The following TNRC6C variants were observed in gnomAD, a reference collection of about 807,000 sequenced individuals.
The protein encoded by TNRC6C is trinucleotide repeat-containing gene 6C protein.
In TNRC6C, 20 loss-of-function variants were observed where a neutral mutation model predicts 153.7. That is an observed-to-expected ratio of 0.13 (90% CI 0.09 to 0.19). TNRC6C has a LOEUF of 0.19. Ranked by LOEUF, TNRC6C falls within the 10% of genes least tolerant of loss-of-function variation. The pLI, the probability that TNRC6C is intolerant of heterozygous loss-of-function variation, is 1.00. For synonymous variants in TNRC6C, 811 were observed against 841.4 expected (o/e 0.96, Z 0.63); for missense variants, 1,987 against 2,172.0 (o/e 0.91, Z 1.69).
chr17:78,047,757 A>G (rs1290128065), intron 2 of TNRC6C, among the ~76,000 whole-genome samples: 1 of 152,230 alleles, frequency 6.6e-6, no homozygotes, highest in Non-Finnish European at 1.5e-5. Context: ...AAGGATTTCT[A>G]AATCACATAT....
At chr17:78,061,898 T>C (rs1389351036) in intron 3 of TNRC6C, among the ~76,000 whole-genome samples, 2 of 152,204 alleles carry the variant, frequency 1.3e-5, no homozygotes, top group East Asian at 1.9e-4. Flanking sequence ...TTAGTATTTA[T>C]CCTTAGTTTT....
chr17:77,968,622 C>G (rs1165179278), intron 1 of TNRC6C, among the ~76,000 whole-genome samples: 1 of 152,188 alleles, frequency 6.6e-6, no homozygotes, highest in Non-Finnish European at 1.5e-5. Flanking sequence ...GGATTACAGG[C>G]GTGAGCCACC....
At position 78,049,089 on chromosome 17, in the gene TNRC6C, C is replaced by T; in HGVS notation, c.27C>T (p.Asn9=). 1 of 1,555,116 alleles carries T rather than the reference C, an allele frequency of 6.4e-7. No homozygotes were observed. Among genetic ancestry groups the T allele is most frequent in the Non-Finnish European group, 8.7e-7 (1 of 1,148,880 alleles). Residue 9 remains asparagine (N), a synonymous_variant, in exon 3 of 20, where the codon AAC becomes AAT. Coordinates refer to ENST00000301624, the Ensembl canonical transcript of TNRC6C. This position sits in a 1 kb window ranked among gnomAD's most constrained non-coding sequence, Gnocchi z 4.1. ...TGGCTACAGGGAGTGCCCAGGGCAACTTCACTGGACATACCAAGAAGACAA... is the reference window on the plus strand; with the variant it reads ...TGGCTACAGGGAGTGCCCAGGGCAATTTCACTGGACATACCAAGAAGACAA...
At chr17:78,081,373 G>A (rs779048649) in intron 10 of TNRC6C, among the ~76,000 whole-genome samples, 6 of 151,986 alleles carry the variant, frequency 3.9e-5, no homozygotes, top group Non-Finnish European at 7.4e-5. Flanking sequence ...GGTAATTCTC[G>A]CTCTGTAATT....
At chr17:77,962,055 G>A (rs1398641747) in intron 1 of TNRC6C, among the ~76,000 whole-genome samples, 1 of 152,116 alleles carries the variant, frequency 6.6e-6, no homozygotes, top group Non-Finnish European at 1.5e-5. Flanking sequence ...TGGGAATGAG[G>A]TATTTACATT....
chr17:78,031,646 A>T, exon 2 of TNRC6C: 14 of 1,232,512 alleles, frequency 1.1e-5, no homozygotes, highest in Non-Finnish European at 1.4e-5. Context: ...AGCCAGCTGC[A>T]TCCCGTTACC....
At chr17:78,021,263 A>G (rs1391374175) in intron 1 of TNRC6C, among the ~76,000 whole-genome samples, 3 of 152,248 alleles carry the variant, frequency 2.0e-5, no homozygotes, top group Non-Finnish European at 2.9e-5. Context: ...GAATGAGTAC[A>G]AAGACTTGAA....
In TNRC6C at chr17:77,979,828, A is replaced by G. The variant is rs1170818037; in HGVS notation, c.-38+20560A>G. On this transcript the variant is annotated intron_variant, in intron 1 of 22. Coordinates refer to the TNRC6C transcript ENST00000636222. Reference sequence around the variant, plus strand: ...ATCTTAAAATCAGCCAAAGGAGGAAAAAGATACATTACCTTCAAAGGAGCG... The same window carrying G: ...ATCTTAAAATCAGCCAAAGGAGGAAGAAGATACATTACCTTCAAAGGAGCG... 2.0e-5 allele frequency among the ~76,000 whole-genome samples: 3 copies of G among 152,242 alleles called. No homozygotes were observed. In the East Asian group the frequency reaches 5.8e-4, roughly 29 times the overall value.
At chr17:78,017,227 A>G (rs949398399) in intron 1 of TNRC6C, among the ~76,000 whole-genome samples, 5 of 152,184 alleles carry the variant, frequency 3.3e-5, no homozygotes, top group Non-Finnish European at 7.4e-5. Flanking sequence ...TGTCTTAAAT[A>G]TTTCTAAATA....
At chr17:78,006,725 A>G (rs2071522520) in intron 1 of TNRC6C, among the ~76,000 whole-genome samples, 1 of 151,888 alleles carries the variant, frequency 6.6e-6, no homozygotes, top group African/African-American at 2.4e-5. Flanking sequence ...ATTGCTTATT[A>G]CTGAACAGTG....
At chr17:77,996,407 T>C (rs1027115273) in intron 1 of TNRC6C, among the ~76,000 whole-genome samples, 5 of 152,184 alleles carry the variant, frequency 3.3e-5, no homozygotes, top group African/African-American at 1.2e-4. Context: ...CCGTGCAGCC[T>C]AGAGAATCCA....
chr17:78,047,544 A>G (rs2072436300), intron 2 of TNRC6C, among the ~76,000 whole-genome samples: 4 of 151,958 alleles, frequency 2.6e-5, no homozygotes, highest in Non-Finnish European at 5.9e-5. Context: ...TCTAATGCTA[A>G]TTTTTTTTGC....
exon 3 of TNRC6C, chr17:78,050,110 C>T (rs769872773): frequency 3.1e-6 from 5 of 1,607,760 alleles, no homozygotes; most frequent in Non-Finnish European, 4.2e-6. Context: ...CCCAAACCAG[C>T]ATTCCAACAG....
intron 8 of TNRC6C, among the ~76,000 whole-genome samples, chr17:78,076,087 A>C (rs1031642081): frequency 2.6e-5 from 4 of 151,944 alleles, no homozygotes; most frequent in African/African-American, 4.8e-5. Flanking sequence ...ATGGTGGCAC[A>C]CGCCTGTGAA....
At chr17:77,992,266 G>A (rs1247884170) in intron 1 of TNRC6C, among the ~76,000 whole-genome samples, 3 of 50,600 alleles carry the variant, frequency 5.9e-5, no homozygotes, top group East Asian at 5.8e-4. Flanking sequence ...TTGGGAGGCC[G>A]AGACGGGCGG....
intron 1 of TNRC6C, among the ~76,000 whole-genome samples, chr17:78,022,179 C>A (rs2071846586): frequency 6.6e-6 from 1 of 152,182 alleles, no homozygotes; most frequent in Non-Finnish European, 1.5e-5. Context: ...GGCATTCTTA[C>A]TTCACCTGCC....
At chr17:78,066,025 G>T (rs1010919204) in intron 4 of TNRC6C, among the ~76,000 whole-genome samples, 11 of 152,146 alleles carry the variant, frequency 7.2e-5, no homozygotes, top group African/African-American at 2.7e-4. Context: ...GAGGTCAGGA[G>T]TTCGAAACCA....
intron 1 of TNRC6C, among the ~76,000 whole-genome samples, chr17:77,988,179 C>T (rs762160107): frequency 6.6e-6 from 1 of 151,990 alleles, no homozygotes; most frequent in Non-Finnish European, 1.5e-5. Context: ...GGGTGAGACT[C>T]CGTCTCAAAA....
intron 1 of TNRC6C, among the ~76,000 whole-genome samples, chr17:77,960,608 T>G (rs2070854044): frequency 6.6e-6 from 1 of 152,176 alleles, no homozygotes. Context: ...ATTCATAGAT[T>G]CCGGATTTCC....
Sources: gnomAD v4.1 joint callset for allele counts (sites outside exome capture counted in the v4.1 genomes callset) on GRCh38, gnomAD v4.1.1 for gene constraint, Gnocchi (gnomAD v3.1) non-coding constraint, MANE v1.5 for transcripts, NCBI Gene and HGNC (gene_info 2026-07-23, HGNC 2026-07-21) for gene names.